The following ARSB variants were observed in gnomAD, a reference collection of about 807,000 sequenced individuals.
ARSB encodes the protein arylsulfatase B, also known as N-acetylgalactosamine-4-sulfatase.
ARSB carries 41 observed loss-of-function variants against 50.9 expected under a neutral mutation model. That is an observed-to-expected ratio of 0.81 (90% CI 0.63 to 1.04). The LOEUF (loss-of-function observed/expected upper bound fraction) is 1.04, where lower values mean the gene tolerates loss of function less well. ARSB is among the 50% of genes least tolerant of loss of function. The pLI is 0.00. For synonymous variants in ARSB, 269 were observed against 284.8 expected, an observed-to-expected ratio of 0.94 and a Z score of 0.56; for missense variants, 672 against 693.3, an observed-to-expected ratio of 0.97 and a Z score of 0.35.
At chr5:78,792,965 A>G (rs1040742890) in intron 6 of ARSB, among the ~76,000 whole-genome samples, 6 of 152,178 alleles carry the variant, frequency 3.9e-5, no homozygotes, top group African/African-American at 1.4e-4. Context: ...GGTATGCCAC[A>G]CTACAGGTCT....
chr5:78,840,392 C>T (rs190797527), intron 5 of ARSB, among the ~76,000 whole-genome samples: 26 of 152,262 alleles, frequency 1.7e-4, no homozygotes, highest in South Asian at 1.0e-3. Context: ...AGTGTCCACA[C>T]GCCAAACTCA....
At chr5:78,862,268 T>C (rs541955477) in intron 5 of ARSB, among the ~76,000 whole-genome samples, 1 of 152,232 alleles carries the variant, frequency 6.6e-6, no homozygotes, top group South Asian at 2.1e-4. Flanking sequence ...AAAACTACTT[T>C]AAAGTTCAGA....
intron 5 of ARSB, among the ~76,000 whole-genome samples, chr5:78,858,799 TATC>T (rs1420827460): frequency 6.6e-6 from 1 of 152,206 alleles, no homozygotes; most frequent in East Asian, 1.9e-4. Context: ...TCATCCTTGT[TATC>T]ATCTTCACTA....
intron 2 of ARSB, 102 bp from the exon 3 acceptor site, chr5:78,964,708 G>A (rs1027398253): frequency 9.1e-6 from 10 of 1,098,504 alleles, no homozygotes; most frequent in Admixed American, 3.8e-5. Context: ...TACCCGTGAC[G>A]AGGCTAATCA....
At chr5:78,961,116 T>A (rs1171060095) in intron 3 of ARSB, among the ~76,000 whole-genome samples, 1 of 152,216 alleles carries the variant, frequency 6.6e-6, no homozygotes, top group Non-Finnish European at 1.5e-5. Context: ...GCCTGTGGAT[T>A]CTTCATGTGG....
At chr5:78,913,346 G>C (rs1190507001) in intron 4 of ARSB, among the ~76,000 whole-genome samples, 2 of 152,010 alleles carry the variant, frequency 1.3e-5, no homozygotes, top group African/African-American at 4.8e-5. Flanking sequence ...GGATGGTCTC[G>C]ATCTCCTGAC....
rs371827631 is a variant in ARSB, at chr5:78,804,437, G to A, written c.1214-22463C>T. Among the ~76,000 whole-genome samples the A allele has an allele frequency of 9.5e-4, 144 of 152,266 alleles. 1 individual carries two copies. Among genetic ancestry groups the A allele is most frequent in the African/African-American group, 3.1e-3 (129 of 41,544 alleles). ...AAAAAGTAGAGAGTAAGTTAGAGAG[G>A]ATGGGAAGGTTGAGAACTGCCTACT... On this transcript the variant is annotated intron_variant, in intron 6 of 7. Coordinates refer to ENST00000264914, the MANE Select transcript of ARSB (RefSeq NM_000046.5).
In ARSB at chr5:78,852,677, G is replaced by A. The variant is rs1290861902; in HGVS notation, c.1143-13251C>T. Among the ~76,000 whole-genome samples the A allele has an allele frequency of 9.9e-5, 15 of 152,092 alleles. No homozygotes were observed. The East Asian group carries it at 1.5e-3, about 16-fold the overall frequency. ...TTTCCAACTTGCTTCCATTCTCCCCGTCACTTTCAGGTACACCAATCAGAC... is the reference window on the plus strand; with the variant it reads ...TTTCCAACTTGCTTCCATTCTCCCCATCACTTTCAGGTACACCAATCAGAC... On this transcript the variant is annotated intron_variant, in intron 5 of 7. Coordinates refer to ENST00000264914, the MANE Select transcript of ARSB (RefSeq NM_000046.5).
At chr5:78,955,056 T>C (rs1751656978) in intron 4 of ARSB, among the ~76,000 whole-genome samples, 1 of 152,154 alleles carries the variant, frequency 6.6e-6, no homozygotes, top group Admixed American at 6.5e-5. Flanking sequence ...ACTCAGTTAG[T>C]GAACATGTGT....
chr5:78,957,645 C>A, intron 3 of ARSB, among the ~76,000 whole-genome samples: 1 of 152,164 alleles, frequency 6.6e-6, no homozygotes, highest in East Asian at 1.9e-4. Flanking sequence ...TCAGTTCTGC[C>A]TCTGCTTCCA....
intron 6 of ARSB, among the ~76,000 whole-genome samples, chr5:78,810,415 G>C (rs1389778584): frequency 6.6e-6 from 1 of 152,202 alleles, no homozygotes; most frequent in Non-Finnish European, 1.5e-5. Flanking sequence ...GTGCCTGTGA[G>C]TTATTTGTTT....
intron 4 of ARSB, among the ~76,000 whole-genome samples, chr5:78,897,596 T>A (rs926052086): frequency 2.6e-5 from 4 of 152,164 alleles, no homozygotes; most frequent in African/African-American, 9.7e-5. Flanking sequence ...AGTCAATTAA[T>A]TGATTTACAA....
chr5:78,865,713 C>T (rs1288831127), intron 5 of ARSB, among the ~76,000 whole-genome samples: 1 of 152,146 alleles, frequency 6.6e-6, no homozygotes, highest in Non-Finnish European at 1.5e-5. Context: ...TAACAGAACC[C>T]AAATAACCTC....
intron 4 of ARSB, among the ~76,000 whole-genome samples, chr5:78,905,910 CAAAAAA>C (rs57651882): frequency 1.1e-4 from 10 of 94,434 alleles, no homozygotes; most frequent in Non-Finnish European, 2.1e-4. Context: ...AGCAAAGTAG[CAAAAAA>C]AAAAAAAAAA....
chr5:78,928,599 A>G (rs1054711922), intron 4 of ARSB, among the ~76,000 whole-genome samples: 1 of 152,130 alleles, frequency 6.6e-6, no homozygotes, highest in African/African-American at 2.4e-5. Context: ...TACAGGCGTG[A>G]GCCGCCATGC....
chr5:78,904,686 T>C (rs956365366), intron 4 of ARSB, among the ~76,000 whole-genome samples: 1 of 13,884 alleles, frequency 7.2e-5, no homozygotes. Context: ...TCTTTCTTTC[T>C]TTTTTTTTTT....
intron 4 of ARSB, among the ~76,000 whole-genome samples, chr5:78,918,817 A>C (rs1002633715): frequency 3.3e-5 from 5 of 152,240 alleles, no homozygotes; most frequent in African/African-American, 1.2e-4. Context: ...ATTAGAAATT[A>C]TAACCATGAA....
At chr5:78,948,913 T>G (rs917798199) in intron 4 of ARSB, among the ~76,000 whole-genome samples, 6 of 152,214 alleles carry the variant, frequency 3.9e-5, no homozygotes, top group African/African-American at 1.2e-4. Context: ...TGGAGATTTT[T>G]GGGCCTCTGG....
chr5:78,870,006 C>T (rs1028451224), intron 5 of ARSB, among the ~76,000 whole-genome samples: 1 of 126,930 alleles, frequency 7.9e-6, no homozygotes, highest in Admixed American at 8.5e-5. Flanking sequence ...CACAGAAATA[C>T]AAACTACCAT....
Sources: gnomAD v4.1 joint callset for allele counts (sites outside exome capture counted in the v4.1 genomes callset) on GRCh38, gnomAD v4.1.1 for gene constraint, MANE v1.5 for transcripts, NCBI Gene and HGNC (gene_info 2026-07-23, HGNC 2026-07-21) for gene names.